Variants in DNMT3A observed in about 807,000 individuals in gnomAD.
DNMT3A encodes DNA methyltransferase 3 alpha, also known as DNA (cytosine-5)-methyltransferase 3A.
DNMT3A carries 267 observed loss-of-function variants against 117.6 expected under a neutral mutation model. The observed-to-expected ratio is 2.27, with a 90% CI of 2.05 to 2.51. The LOEUF is 2.51. Ranked by LOEUF, DNMT3A falls within the 30% of genes most tolerant of loss-of-function variation. DNMT3A has a pLI of 0.00. For missense variants in DNMT3A, 1,029 were observed against 1,260.2 expected, an observed-to-expected ratio of 0.82 and a Z score of 2.78; for synonymous variants, 432 against 474.8, an observed-to-expected ratio of 0.91 and a Z score of 1.17.
At position 25,252,895 on chromosome 2, in the gene DNMT3A, T is replaced by G. The variant is rs1039960484; in HGVS notation, c.640-4643A>C. ...GGAGCGCTCCAGATCGGGGATTGTT[T>G]GGGGGGTCTCCCGCCTCCACACTAC... On this transcript the variant is annotated intron_variant, in intron 6 of 22. Coordinates refer to ENST00000321117, the MANE Select transcript of DNMT3A (RefSeq NM_022552.5). The surrounding 1 kb of genome is among the most constrained non-coding windows in gnomAD (Gnocchi z 5.5). Among the ~76,000 whole-genome samples the G allele has an allele frequency of 6.6e-6, 1 of 151,642 alleles. No individual in the cohort carries two copies. The highest frequency in any genetic ancestry group is 2.4e-5 in the African/African-American group (1 of 41,270).
At position 25,289,347 on chromosome 2, in the gene DNMT3A, G is replaced by A. The variant is rs529663457; in HGVS notation, c.178-6636C>T. ...ACTCCTGATCCCAGGTGATCCATCCGCCTCAGCCTCCCAAAGTGCTGGGAT... is the reference window on the plus strand; with the variant it reads ...ACTCCTGATCCCAGGTGATCCATCCACCTCAGCCTCCCAAAGTGCTGGGAT... On this transcript the variant is annotated intron_variant, in intron 3 of 22. Coordinates refer to ENST00000321117, the MANE Select transcript of DNMT3A (RefSeq NM_022552.5). Among the ~76,000 whole-genome samples, 12 of 152,094 alleles carry A rather than the reference G, an allele frequency of 7.9e-5. No homozygotes were observed. In the South Asian group the frequency reaches 1.2e-3, roughly 16 times the overall value.
intron 4 of DNMT3A, among the ~76,000 whole-genome samples, chr2:25,279,359 G>A (rs1209557674): frequency 6.6e-6 from 1 of 152,160 alleles, no homozygotes; most frequent in Non-Finnish European, 1.5e-5. Context: ...CTGGAATAAG[G>A]GGAACTGAAA....
At chr2:25,299,466 G>GAGT in intron 3 of DNMT3A, among the ~76,000 whole-genome samples, 1 of 152,204 alleles carries the variant, frequency 6.6e-6, no homozygotes, top group Non-Finnish European at 1.5e-5. Context: ...GTAGGGAGGG[G>GAGT]CCTTCATAGA....
chr2:25,250,565 GC>G (rs1244159887), intron 6 of DNMT3A, among the ~76,000 whole-genome samples: 1 of 152,148 alleles, frequency 6.6e-6, no homozygotes, highest in East Asian at 1.9e-4. Flanking sequence ...ATTAGCCATC[GC>G]CTCCTCCCCT....
At chr2:25,275,390 T>A (rs558223494) in intron 5 of DNMT3A, 110 bp downstream of exon 5, 9 of 1,425,092 alleles carry the variant, frequency 6.3e-6, no homozygotes, top group Non-Finnish European at 8.6e-6. Flanking sequence ...CACAGAGGGA[T>A]GTGTAAAGAA....
intron 3 of DNMT3A, among the ~76,000 whole-genome samples, chr2:25,291,868 C>T (rs936676263): frequency 3.9e-5 from 6 of 152,214 alleles, no homozygotes; most frequent in South Asian, 2.1e-4. Flanking sequence ...CTGTTTCCAG[C>T]GGGGACACTG....
intron 16 of DNMT3A, 70 bp from the exon 17 acceptor site, chr2:25,241,777 C>T (rs1558661881): frequency 1.9e-6 from 3 of 1,572,806 alleles, no homozygotes; most frequent in East Asian, 2.4e-5. Flanking sequence ...GGCAGGTGAG[C>T]CTGCTGGCCA....
chr2:25,240,683 G>T lies in DNMT3A; in HGVS notation c.2130C>A (p.Cys710Ter), dbSNP rs1673911959. The change falls in exon 18 of 23, where the codon TGC (cysteine) becomes TGA (stop). Residue 710 changes from cysteine to a stop codon, truncating the protein, a stop_gained. Coordinates refer to ENST00000321117, the MANE Select transcript of DNMT3A (RefSeq NM_022552.5). LOFTEE classifies it high-confidence loss of function. ...PFDLVIGGSP[C>*]NDLSIVNPAR... ...CAGGGTTGACGATGGAGAGGTCATT[G>T]CAGGGACTGCCCCCAATCACCAGAT... The T allele has an allele frequency of 1.2e-6, 2 of 1,614,128 alleles. No homozygotes were observed. Among genetic ancestry groups the T allele is most frequent in the Non-Finnish European group, 1.7e-6 (2 of 1,180,054 alleles).
At position 25,282,777 on chromosome 2, in the gene DNMT3A, T is replaced by C; in HGVS notation, c.178-66A>G. On this transcript the variant is annotated intron_variant, in intron 3 of 22. Coordinates refer to ENST00000321117, the MANE Select transcript of DNMT3A (RefSeq NM_022552.5). The surrounding 1 kb of genome is among the most constrained non-coding windows in gnomAD (Gnocchi z 5.2). ...AGTGGGCTTAGCCTGTTTTGGATCA[T>C]TGACCGCTCTGAAATTCTAGAGAAT... 6.8e-7 allele frequency: 1 copy of C among 1,474,034 alleles called. No homozygotes were observed. The highest frequency in any genetic ancestry group is 9.0e-7 in the Non-Finnish European group (1 of 1,110,022). 91.3% of individuals were successfully genotyped at this position (1,474,034 alleles called of 1,614,324 possible). A position where few individuals can be genotyped will look rare whatever the true frequency, so the allele number is the denominator to read the frequency against.
At chr2:25,312,495 G>A (rs375280438) in intron 2 of DNMT3A, among the ~76,000 whole-genome samples, 6 of 152,244 alleles carry the variant, frequency 3.9e-5, no homozygotes, top group Admixed American at 6.5e-5. Context: ...GTCCCTGGGC[G>A]TCATGTGCAC....
intron 22 of DNMT3A, among the ~76,000 whole-genome samples, chr2:25,235,129 G>C (rs1485574269): frequency 3.9e-5 from 6 of 151,924 alleles, no homozygotes; most frequent in Non-Finnish European, 5.9e-5. Flanking sequence ...GTGGTTCCCT[G>C]GGGGATCAGC....
rs754994143 is a variant in DNMT3A, at chr2:25,248,230, A to G, written c.662T>C (p.Ile221Thr). The G allele has an allele frequency of 3.1e-6, 5 of 1,612,620 alleles. No individual in the cohort carries two copies. Among genetic ancestry groups the G allele is most frequent in the East Asian group, 2.2e-5 (1 of 44,868 alleles). ...TTCTTCCACAGCATTCATTCCTGCAATGACCTTGGCTTTCTTCTCAGCCTG... is the reference window on the plus strand; with the variant it reads ...TTCTTCCACAGCATTCATTCCTGCAGTGACCTTGGCTTTCTTCTCAGCCTG... ...KREAEKKAKV[I>T]AGMNAVEENQ... Residue 221 changes from isoleucine to threonine, a missense_variant, in exon 7 of 23, where the codon ATT (isoleucine) becomes ACT (threonine). Coordinates refer to ENST00000321117, the MANE Select transcript of DNMT3A (RefSeq NM_022552.5).
intron 6 of DNMT3A, among the ~76,000 whole-genome samples, chr2:25,253,599 C>G (rs1395392341): frequency 2.6e-5 from 4 of 152,134 alleles, no homozygotes; most frequent in Admixed American, 2.6e-4. Context: ...CCTTCAGGTG[C>G]GTCCTTGGGT....
chr2:25,312,449 C>G (rs2149426368), intron 2 of DNMT3A, among the ~76,000 whole-genome samples: 1 of 152,310 alleles, frequency 6.6e-6, no homozygotes, highest in Admixed American at 6.5e-5. Context: ...CACACACCCC[C>G]ACGGTGCTCT....
intron 10 of DNMT3A, 30 bp from the exon 11 acceptor site, chr2:25,246,339 G>A: frequency 1.9e-6 from 3 of 1,573,134 alleles, no homozygotes; most frequent in South Asian, 1.2e-5. Flanking sequence ...GCCAAGGTCA[G>A]TTACAGGCTG....
At position 25,234,269 on chromosome 2, in the gene DNMT3A, C is replaced by T. The variant is rs1043190898; in HGVS notation, c.*10G>A. On this transcript the variant is annotated 3_prime_UTR_variant, in exon 23 of 23. Coordinates refer to ENST00000321117, the MANE Select transcript of DNMT3A (RefSeq NM_022552.5). This position sits in a 1 kb window ranked among gnomAD's most constrained non-coding sequence, Gnocchi z 4.5. ...CTTTGTGTCGCTACCTCAGTTTGCC[C>T]CCATGTCCCTTACACACACGCAAAA... 3 of 1,605,708 alleles carry T rather than the reference C, an allele frequency of 1.9e-6. No individual in the cohort carries two copies. The highest frequency in any genetic ancestry group is 2.2e-5 in the East Asian group (1 of 44,624).
At position 25,247,300 on chromosome 2, in the gene DNMT3A, C is replaced by T. The variant is rs748539012; in HGVS notation, c.1015-142G>A. 25 of 876,818 alleles carry T rather than the reference C, an allele frequency of 2.9e-5. No homozygotes were observed. Among genetic ancestry groups the T allele is most frequent in the African/African-American group, 5.0e-5 (3 of 59,418 alleles). The allele number at this position is 876,818 out of a possible 1,614,324, so 54.3% of individuals were successfully genotyped here. ...CCAGATACAGTGATAAATAATTACC[C>T]GATGCAAAGAGGAGTCCAGACCAAG... On this transcript the variant is annotated intron_variant, in intron 8 of 22. Transcript: ENST00000321117. This position sits in a 1 kb window ranked among gnomAD's most constrained non-coding sequence, Gnocchi z 5.6.
intron 4 of DNMT3A, among the ~76,000 whole-genome samples, chr2:25,277,319 G>C (rs1247825773): frequency 6.6e-6 from 1 of 152,140 alleles, no homozygotes; most frequent in African/African-American, 2.4e-5. Context: ...CAGCCTGTCC[G>C]GGGCCTCCCC....
intron 19 of DNMT3A, 98 bp from the exon 20 acceptor site, chr2:25,239,313 A>C: frequency 9.4e-7 from 1 of 1,068,764 alleles, no homozygotes; most frequent in Non-Finnish European, 1.4e-6. Context: ...AAAGCCTCTT[A>C]CTTCTCTCTC....
Sources: gnomAD v4.1 joint callset for allele counts (sites outside exome capture counted in the v4.1 genomes callset) on GRCh38, gnomAD v4.1.1 for gene constraint, Gnocchi (gnomAD v3.1) non-coding constraint, MANE v1.5 for transcripts, NCBI Gene and HGNC (gene_info 2026-07-23, HGNC 2026-07-21) for gene names.